The following EIF4E3 variants were observed in gnomAD, a reference collection of about 807,000 sequenced individuals.
EIF4E3 encodes eukaryotic translation initiation factor 4E type 3.
A neutral mutation model predicts 31.7 loss-of-function variants in EIF4E3; 26 were observed. That is an observed-to-expected ratio of 0.82 (90% CI 0.60 to 1.14). The LOEUF (loss-of-function observed/expected upper bound fraction) is 1.14, where lower values mean the gene tolerates loss of function less well. Among genes scored for constraint, EIF4E3 ranks in the 50% most tolerant of loss-of-function variants. The pLI, the probability that EIF4E3 is intolerant of heterozygous loss-of-function variation, is 0.00. For synonymous variants in EIF4E3, 128 were observed against 107.7 expected (o/e 1.19, Z -1.17); for missense variants, 304 against 270.9 (o/e 1.12, Z -0.86).
intron 1 of EIF4E3, among the ~76,000 whole-genome samples, chr3:71,750,908 C>T (rs1311118527): frequency 5.3e-5 from 8 of 151,730 alleles, no homozygotes; most frequent in East Asian, 2.0e-4. Flanking sequence ...GGACTACAGG[C>T]GCCTGCCACC....
chr3:71,723,977 G>C (rs780609671), intron 1 of EIF4E3, among the ~76,000 whole-genome samples: 3 of 151,826 alleles, frequency 2.0e-5, no homozygotes, highest in Non-Finnish European at 4.4e-5. Flanking sequence ...AAATGAGCTT[G>C]TCTTAACCAA....
Position 71,725,154 on chromosome 3 carries a change from G to C in EIF4E3, c.176+38C>G, listed in dbSNP as rs1440253045. The C allele has an allele frequency of 2.4e-5, 25 of 1,059,456 alleles. No individual in the cohort carries two copies. Among genetic ancestry groups the C allele is most frequent in the Non-Finnish European group, 2.5e-5 (22 of 880,606 alleles). The allele number at this position is 1,059,456 out of a possible 1,614,324, so 65.6% of individuals were successfully genotyped here. On this transcript the variant is annotated intron_variant, in intron 1 of 6. Coordinates refer to ENST00000425534, the MANE Select transcript of EIF4E3 (RefSeq NM_001134651.2). The surrounding 1 kb of genome is among the most constrained non-coding windows in gnomAD (Gnocchi z 6.1). ...AAAGCGGCGGTGGCGGCAGGACCCG[G>C]GTCGGGGCCGTGCGCGGCGGGCCCC...
rs1381715844 is a variant in EIF4E3 at position 71,679,755 on chromosome 3, G to A, written c.*4927C>T. ...TAACAGCTTTGCTAAGCTACGTTTT[G>A]AAAGTGACAATTAATTTTAGTGGAA... On this transcript the variant is annotated 3_prime_UTR_variant, in exon 7 of 7. Transcript: ENST00000425534. The A allele has an allele frequency of 2.0e-5, 3 of 152,138 alleles. No individual in the cohort carries two copies. Among genetic ancestry groups the A allele is most frequent in the Admixed American group, 6.5e-5 (1 of 15,270 alleles). 9.4% of individuals were successfully genotyped at this position (152,138 alleles called of 1,614,324 possible). A position where few individuals can be genotyped will look rare whatever the true frequency, so the allele number is the denominator to read the frequency against.
chr3:71,696,885 T>C (rs1308850879), intron 3 of EIF4E3, among the ~76,000 whole-genome samples: 1 of 151,238 alleles, frequency 6.6e-6, no homozygotes, highest in Non-Finnish European at 1.5e-5. Context: ...CCAGCTAAAT[T>C]TTTTTTGTAT....
At chr3:71,671,422 G>A (rs1485336023), downstream of EIF4E3, among the ~76,000 whole-genome samples, 2 of 152,116 alleles carry the variant, frequency 1.3e-5, no homozygotes, top group Non-Finnish European at 2.9e-5. Flanking sequence ...ATCCGGAGCC[G>A]CTCGCAGGGG....
chr3:71,717,687 G>A (rs1031736896), intron 1 of EIF4E3, among the ~76,000 whole-genome samples: 8 of 152,124 alleles, frequency 5.3e-5, no homozygotes, highest in African/African-American at 1.7e-4. Context: ...GTGGGGTTAG[G>A]GACACCAGGG....
rs1194846021 is a variant in EIF4E3, at chr3:71,681,645, T to C, written c.*3037A>G. The C allele has an allele frequency of 2.0e-5, 3 of 152,230 alleles. No homozygotes were observed. Among genetic ancestry groups the C allele is most frequent in the African/African-American group, 4.8e-5 (2 of 41,448 alleles). The allele number at this position is 152,230 out of a possible 1,614,324, so 9.4% of individuals were successfully genotyped here. A position where few individuals can be genotyped will look rare whatever the true frequency, so the allele number is the denominator to read the frequency against. On this transcript the variant is annotated 3_prime_UTR_variant, in exon 7 of 7. Coordinates refer to ENST00000425534, the MANE Select transcript of EIF4E3 (RefSeq NM_001134651.2). ...CCATTTAAGGACGCCTGCACCGGGA[T>C]ACAACTTGCCGACTTCAATACCCAG...
intron 1 of EIF4E3, among the ~76,000 whole-genome samples, chr3:71,744,405 T>C (rs1366311419): frequency 6.6e-6 from 1 of 152,156 alleles, no homozygotes; most frequent in East Asian, 1.9e-4. Flanking sequence ...CTATCAAGTA[T>C]GAAGAAGGTA....
At chr3:71,690,657 C>T (rs190603133) in intron 5 of EIF4E3, among the ~76,000 whole-genome samples, 3 of 152,344 alleles carry the variant, frequency 2.0e-5, no homozygotes, top group East Asian at 1.9e-4. Context: ...TGCCCCAACA[C>T]GAACTGGAGC....
intron 2 of EIF4E3, among the ~76,000 whole-genome samples, chr3:71,709,934 T>A (rs1302054692): frequency 6.6e-6 from 1 of 151,876 alleles, no homozygotes; most frequent in Non-Finnish European, 1.5e-5. Flanking sequence ...CGAAGTGAAG[T>A]AGGAAACCAA....
rs1189685993 is a variant in EIF4E3 at position 71,684,225 on chromosome 3, G to C, written c.*457C>G. On this transcript the variant is annotated 3_prime_UTR_variant, in exon 7 of 7. Coordinates refer to ENST00000425534, the MANE Select transcript of EIF4E3 (RefSeq NM_001134651.2). Reference sequence around the variant, plus strand: ...TCAGAAGACAGATTTCTCCAAGCTAGTGTTCCTCCTTGTACAGTGTGGTAT... The same window carrying C: ...TCAGAAGACAGATTTCTCCAAGCTACTGTTCCTCCTTGTACAGTGTGGTAT... The C allele has an allele frequency of 1.3e-5, 2 of 153,716 alleles. No homozygotes were observed. Among genetic ancestry groups the C allele is most frequent in the Admixed American group, 1.3e-4 (2 of 15,428 alleles). The allele number at this position is 153,716 out of a possible 1,614,324, so 9.5% of individuals were successfully genotyped here.
At chr3:71,738,530 G>C (rs190027314) in intron 1 of EIF4E3, among the ~76,000 whole-genome samples, 2 of 152,142 alleles carry the variant, frequency 1.3e-5, no homozygotes, top group African/African-American at 4.8e-5. Flanking sequence ...ATCAAATAAA[G>C]CAGATTTTAG....
At position 71,684,596 on chromosome 3, in the gene EIF4E3, G is replaced by A. The variant is rs1043919372; in HGVS notation, c.*86C>T. 13 of 1,543,326 alleles carry A rather than the reference G, an allele frequency of 8.4e-6. No homozygotes were observed. Among genetic ancestry groups the A allele is most frequent in the Middle Eastern group, 1.7e-4 (1 of 5,912 alleles). The stretch of plus-strand genomic sequence containing the variant: ...CTCTAAATTGACCAGCATCGGCTTC[G>A]GCAAGTCTTCTCTTCACTCTCCCTC... On this transcript the variant is annotated 3_prime_UTR_variant, in exon 7 of 7. Transcript: ENST00000425534.
the EIF4E3 span, among the ~76,000 whole-genome samples, chr3:71,661,067 T>C: frequency 7.9e-5 from 12 of 152,202 alleles, no homozygotes; most frequent in Non-Finnish European, 1.8e-4. Context: ...GCTGGTCTCC[T>C]CTTAATTGCC....
chr3:71,743,563 C>A (rs930596291), intron 1 of EIF4E3, among the ~76,000 whole-genome samples: 3 of 152,090 alleles, frequency 2.0e-5, no homozygotes, highest in Non-Finnish European at 4.4e-5. Context: ...CTGATCTAGA[C>A]ACAACCCCAA....
At chr3:71,723,905 G>C (rs1449136943) in intron 1 of EIF4E3, among the ~76,000 whole-genome samples, 1 of 151,768 alleles carries the variant, frequency 6.6e-6, no homozygotes, top group African/African-American at 2.4e-5. Context: ...CTCCGGCAAA[G>C]AAAATGGCAG....
At chr3:71,712,640 G>A (rs1228245158) in intron 1 of EIF4E3, among the ~76,000 whole-genome samples, 1 of 105,444 alleles carries the variant, frequency 9.5e-6, no homozygotes, top group South Asian at 3.8e-4. Flanking sequence ...GGGGGTGGGC[G>A]GGGGAGATTC....
chr3:71,746,511 C>T (rs1255389382), intron 1 of EIF4E3, among the ~76,000 whole-genome samples: 3 of 152,128 alleles, frequency 2.0e-5, no homozygotes, highest in African/African-American at 4.8e-5. Flanking sequence ...ATTTCTGTGG[C>T]CAGCCTCAGG....
chr3:71,720,332 A>G (rs1186288969), intron 1 of EIF4E3, among the ~76,000 whole-genome samples: 1 of 151,990 alleles, frequency 6.6e-6, no homozygotes, highest in Non-Finnish European at 1.5e-5. Flanking sequence ...AGTAGCTGGG[A>G]CTACAGGCTC....
Sources: gnomAD v4.1 joint callset for allele counts (sites outside exome capture counted in the v4.1 genomes callset) on GRCh38, gnomAD v4.1.1 for gene constraint, Gnocchi (gnomAD v3.1) non-coding constraint, MANE v1.5 for transcripts, NCBI Gene and HGNC (gene_info 2026-07-23, HGNC 2026-07-21) for gene names.